Variants in DNAJB13 observed in about 807,000 individuals in gnomAD.
DNAJB13 encodes DnaJ heat shock protein family (Hsp40) member B13, also known as dnaJ homolog subfamily B member 13.
DNAJB13 carries 22 observed loss-of-function variants against 35.6 expected under a neutral mutation model. That is an observed-to-expected ratio of 0.62 (90% confidence interval 0.44 to 0.88). DNAJB13 has a LOEUF of 0.88. Ranked by LOEUF, DNAJB13 falls within the 40% of genes least tolerant of loss-of-function variation. The probability of loss-of-function intolerance (pLI) is 0.00; values close to 1 mark genes in which losing one functional copy is unlikely to be tolerated. For synonymous variants in DNAJB13, 136 were observed against 144.2 expected, an observed-to-expected ratio of 0.94 and a Z score of 0.41; for missense variants, 370 against 384.3, an observed-to-expected ratio of 0.96 and a Z score of 0.31.
chr11:73,970,155 G>T lies in DNAJB13; in HGVS notation c.*41G>T, dbSNP rs754413038. 13 of 1,539,332 alleles carry T rather than the reference G, an allele frequency of 8.4e-6. No homozygotes were observed. The highest frequency in any genetic ancestry group is 1.1e-5 in the Non-Finnish European group (13 of 1,144,510). On this transcript the variant is annotated 3_prime_UTR_variant, in exon 8 of 8. Coordinates refer to ENST00000339764, the MANE Select transcript of DNAJB13 (RefSeq NM_153614.4). ...GCAGGGGTGAGAGGAGGCTAGCCGG[G>T]CCTCACCCCACCCCTACCCGCCACA...
rs138822626 is a variant in DNAJB13 at position 73,964,543 on chromosome 11, C to T, written c.335-335C>T. ...CCCTTTCCTGAGACAGCCAGAGTTACGGTATCCGAGTTGTGAATAAGAGAG... is the reference window on the plus strand; with the variant it reads ...CCCTTTCCTGAGACAGCCAGAGTTATGGTATCCGAGTTGTGAATAAGAGAG... On this transcript the variant is annotated intron_variant, in intron 3 of 7. Coordinates refer to ENST00000339764, the MANE Select transcript of DNAJB13 (RefSeq NM_153614.4). 9.9e-3 allele frequency: 2,531 copies of T among 255,976 alleles called. 29 individuals are homozygous for T. The highest frequency in any genetic ancestry group is 0.02 in the Middle Eastern group (15 of 734). The allele number at this position is 255,976 out of a possible 1,614,324, so 15.9% of individuals were successfully genotyped here.
At chr11:73,968,485 G>T (rs542495803) in intron 6 of DNAJB13, 27 bp downstream of exon 6, 2 of 1,596,766 alleles carry the variant, frequency 1.3e-6, no homozygotes, top group South Asian at 2.2e-5. Context: ...CAGGAGCAGC[G>T]GGGAGGAGAT....
chr11:73,961,933 G>C (rs914192500), intron 3 of DNAJB13, among the ~76,000 whole-genome samples: 3 of 152,152 alleles, frequency 2.0e-5, no homozygotes, highest in Non-Finnish European at 2.9e-5. Flanking sequence ...GGGATTACAG[G>C]TGGGCACCAG....
chr11:73,959,274 G>A (rs1471400677), intron 2 of DNAJB13, among the ~76,000 whole-genome samples: 4 of 152,092 alleles, frequency 2.6e-5, no homozygotes, highest in South Asian at 2.1e-4. Context: ...AGGCTTTCCC[G>A]TCTCTCTTCT....
chr11:73,963,345 CA>C (rs565063917), intron 3 of DNAJB13, among the ~76,000 whole-genome samples: 160 of 119,462 alleles, frequency 1.3e-3, no homozygotes, highest in Admixed American at 1.3e-3. Context: ...GACTCTGTCT[CA>C]AAAAAAAAAA....
At chr11:73,964,822 C>CGT in intron 3 of DNAJB13, 56 bp from the exon 4 acceptor site, 1 of 1,555,638 alleles carries the variant, frequency 6.4e-7, no homozygotes, top group Non-Finnish European at 8.8e-7. Context: ...TGCGCGCGCG[C>CGT]GCATGTCTGG....
At chr11:73,957,109 C>T in intron 1 of DNAJB13, among the ~76,000 whole-genome samples, 1 of 152,310 alleles carries the variant, frequency 6.6e-6, no homozygotes, top group Admixed American at 6.5e-5. Flanking sequence ...CCTCCAGACC[C>T]ACTCCCCACC....
At chr11:73,958,254 A>C in intron 1 of DNAJB13, 63 bp from the exon 2 acceptor site, 1 of 1,544,216 alleles carries the variant, frequency 6.5e-7, no homozygotes, top group Non-Finnish European at 8.9e-7. Flanking sequence ...CCGGCTCTGA[A>C]CTCTGGTCCG....
At chr11:73,960,253 C>T (rs1950892360) in intron 3 of DNAJB13, among the ~76,000 whole-genome samples, 1 of 152,186 alleles carries the variant, frequency 6.6e-6, no homozygotes, top group Non-Finnish European at 1.5e-5. Context: ...TCTCTGCTCA[C>T]TGCAACCTCC....
At position 73,964,817 on chromosome 11, in the gene DNAJB13, G is replaced by GCGCGCGCA. The variant is rs1554992127; in HGVS notation, c.335-60_335-53dup. The GCGCGCGCA allele has an allele frequency of 4.5e-5, 68 of 1,513,116 alleles. 2 individuals carry two copies. The African/African-American group carries it at 8.5e-4, about 19-fold the overall frequency. 93.7% of individuals were successfully genotyped at this position (1,513,116 alleles called of 1,614,324 possible). The stretch of plus-strand genomic sequence containing the variant: ...TGTGTGTGTGTGTGTGTGTGTGCGC[G>GCGCGCGCA]CGCGCGCATGTCTGGGTCTCTGGAT... On this transcript the variant is annotated intron_variant, in intron 3 of 7. Coordinates refer to ENST00000339764, the MANE Select transcript of DNAJB13 (RefSeq NM_153614.4).
chr11:73,966,274 C>T (rs1951113594), intron 5 of DNAJB13, 23 bp downstream of exon 5: 3 of 1,599,804 alleles, frequency 1.9e-6, no homozygotes, highest in Admixed American at 1.7e-5. Flanking sequence ...GAAGCTGACT[C>T]AGGTCAGTCA....
chr11:73,968,168 C>A (rs542516185), intron 5 of DNAJB13, 177 bp from the exon 6 acceptor site: 2 of 619,258 alleles, frequency 3.2e-6, no homozygotes, highest in Non-Finnish European at 5.8e-6. Context: ...TTTGGGTAAG[C>A]TTCTCGGGCT....
chr11:73,951,271 C>A, intron 1 of DNAJB13, 134 bp downstream of exon 1: 2 of 1,085,028 alleles, frequency 1.8e-6, no homozygotes, highest in Non-Finnish European at 1.3e-6. Context: ...TTCTTGCATA[C>A]CTGTATCCTG....
chr11:73,968,360 C>A lies in DNAJB13; in HGVS notation c.622C>A (p.Pro208Thr). ...CCCTGCCCAGGGCCCCAACATCATC[C>A]CAGCAGACATCATTTTCATCGTAAA... ...KEGDQGPNII[P>T]ADIIFIVKEK... Residue 208 changes from proline to threonine, a missense_variant, in exon 6 of 8, where the codon CCA (proline) becomes ACA (threonine). Pro to Thr is a conservative substitution (Grantham distance 38). Transcript: ENST00000339764. 6.2e-7 allele frequency: 1 copy of A among 1,614,172 alleles called. No homozygotes were observed. The highest frequency in any genetic ancestry group is 1.1e-5 in the South Asian group (1 of 91,084).
In DNAJB13 at chr11:73,969,948, C is replaced by T; in HGVS notation, c.798-13C>T. 6.2e-7 allele frequency: 1 copy of T among 1,602,236 alleles called. No homozygotes were observed. The highest frequency in any genetic ancestry group is 8.5e-7 in the Non-Finnish European group (1 of 1,173,652). ...GGATGCCCTCTATGCTCCTTTCTTT[C>T]ATCCTATTTCAGCCCCAAATACTTC... On this transcript the variant is annotated splice_polypyrimidine_tract_variant and intron_variant, in intron 7 of 7. Transcript: ENST00000339764.
Position 73,951,068 on chromosome 11 carries a change from C to A in DNAJB13, c.-2C>A, listed in dbSNP as rs139276165. The A allele has an allele frequency of 6.8e-6, 11 of 1,613,858 alleles. No individual in the cohort carries two copies. Among genetic ancestry groups the A allele is most frequent in the South Asian group, 5.5e-5 (5 of 91,050 alleles). On this transcript the variant is annotated 5_prime_UTR_variant, in exon 1 of 8. Transcript: ENST00000339764. ...CAGGGCCTGACTGCCAGCTAGCCAG[C>A]CATGGGCCAGGATTATTACTCTGTG...
chr11:73,968,590 A>C, intron 6 of DNAJB13, 132 bp downstream of exon 6: 8 of 705,226 alleles, frequency 1.1e-5, no homozygotes, highest in African/African-American at 1.8e-5. Flanking sequence ...CACCCTCTAA[A>C]TCACCATCCA....
At chr11:73,954,878 G>A (rs1031820421) in intron 1 of DNAJB13, among the ~76,000 whole-genome samples, 1 of 152,066 alleles carries the variant, frequency 6.6e-6, no homozygotes, top group African/African-American at 2.4e-5. Context: ...TTGAACCTGG[G>A]AGGTGGAGGT....
chr11:73,951,924 G>A (rs1407141495), intron 1 of DNAJB13, among the ~76,000 whole-genome samples: 1 of 151,936 alleles, frequency 6.6e-6, no homozygotes, highest in South Asian at 2.1e-4. Context: ...GGGATTATAG[G>A]TGTGAGTCAC....
Sources: gnomAD v4.1 joint callset for allele counts (sites outside exome capture counted in the v4.1 genomes callset) on GRCh38, gnomAD v4.1.1 for gene constraint, MANE v1.5 for transcripts, NCBI Gene and HGNC (gene_info 2026-07-23, HGNC 2026-07-21) for gene names.